Variants in NRXN1 observed in about 807,000 individuals in gnomAD.
The protein encoded by NRXN1 is neurexin 1.
In NRXN1, 39 loss-of-function variants were observed where a neutral mutation model predicts 150.9. The ratio of observed to expected loss-of-function variants is 0.26; its 90% confidence interval spans 0.20 to 0.34. The LOEUF is 0.34. Ranked by LOEUF, NRXN1 falls within the 10% of genes least tolerant of loss-of-function variation. NRXN1 has a pLI of 1.00. For synonymous variants in NRXN1, 924 were observed against 757.0 expected (o/e 1.22, Z -3.62); for missense variants, 1,815 against 1,949.9 (o/e 0.93, Z 1.30).
intron 5 of NRXN1, among the ~76,000 whole-genome samples, chr2:50,709,600 AC>A (rs1694883795): frequency 6.6e-6 from 1 of 152,144 alleles, no homozygotes; most frequent in African/African-American, 2.4e-5. Context: ...GGATTTGGTT[AC>A]CTGAGATATG....
At chr2:49,968,570 G>A (rs2152492429) in intron 21 of NRXN1, among the ~76,000 whole-genome samples, 1 of 152,066 alleles carries the variant, frequency 6.6e-6, no homozygotes, top group Non-Finnish European at 1.5e-5. Flanking sequence ...TTAGAAGCAG[G>A]TATTGATATT....
intron 8 of NRXN1, among the ~76,000 whole-genome samples, chr2:50,598,711 T>TATATGTGTATATATAC (rs1675711667): frequency 6.8e-6 from 1 of 147,414 alleles, no homozygotes; most frequent in East Asian, 2.0e-4. Flanking sequence ...TATATACATA[T>TATATGTGTATATATAC]ATATGTATAT....
At chr2:50,591,172 C>T (rs949033151) in intron 8 of NRXN1, among the ~76,000 whole-genome samples, 1 of 151,920 alleles carries the variant, frequency 6.6e-6, no homozygotes, top group Non-Finnish European at 1.5e-5. Context: ...GGGACTGAGG[C>T]TTATTCAACA....
chr2:50,150,786 C>T (rs544443876), intron 18 of NRXN1, among the ~76,000 whole-genome samples: 1 of 151,734 alleles, frequency 6.6e-6, no homozygotes, highest in South Asian at 2.1e-4. Context: ...ATAGGGATTG[C>T]TATGTTCTTA....
At chr2:50,921,591 A>C (rs1352468194) in intron 5 of NRXN1, among the ~76,000 whole-genome samples, 1 of 151,834 alleles carries the variant, frequency 6.6e-6, no homozygotes, top group Non-Finnish European at 1.5e-5. Flanking sequence ...GATACTGCAG[A>C]AACTGACACC....
At chr2:50,286,442 T>C (rs1051343865) in intron 17 of NRXN1, among the ~76,000 whole-genome samples, 13 of 152,180 alleles carry the variant, frequency 8.5e-5, no homozygotes, top group African/African-American at 3.1e-4. Flanking sequence ...TTTTTCCACA[T>C]TGTTGCAATT....
chr2:50,755,899 C>G (rs1701107938), intron 5 of NRXN1, among the ~76,000 whole-genome samples: 1 of 151,834 alleles, frequency 6.6e-6, no homozygotes, highest in Admixed American at 6.6e-5. Context: ...TCACTTTAAT[C>G]TACTGCATTT....
chr2:50,824,696 G>C (rs925389486), intron 5 of NRXN1, among the ~76,000 whole-genome samples: 1 of 152,094 alleles, frequency 6.6e-6, no homozygotes, highest in African/African-American at 2.4e-5. Context: ...AACTCCAGGT[G>C]AATCTAGGGC....
At chr2:50,331,531 G>A (rs894278758) in intron 17 of NRXN1, among the ~76,000 whole-genome samples, 1 of 152,120 alleles carries the variant, frequency 6.6e-6, no homozygotes, top group Non-Finnish European at 1.5e-5. Context: ...AAGCTTTAAA[G>A]GGAATCTTCT....
intron 18 of NRXN1, among the ~76,000 whole-genome samples, chr2:50,093,003 G>C (rs967716949): frequency 1.3e-5 from 2 of 150,292 alleles, no homozygotes; most frequent in Admixed American, 6.6e-5. Flanking sequence ...TTTTTCTGTA[G>C]AGTTATATCA....
At chr2:50,790,247 G>A (rs1206593600) in intron 5 of NRXN1, among the ~76,000 whole-genome samples, 1 of 151,890 alleles carries the variant, frequency 6.6e-6, no homozygotes, top group Admixed American at 6.6e-5. Context: ...TATCCACTCT[G>A]TTCATCCTCT....
chr2:50,541,302 T>C lies in NRXN1; in HGVS notation c.1760-2666A>G, dbSNP rs1451572920. 3.3e-5 allele frequency among the ~76,000 whole-genome samples: 5 copies of C among 152,258 alleles called. No individual in the cohort carries two copies. The East Asian group carries it at 9.7e-4, about 29-fold the overall frequency. ...ATCGTAATTCTGACACTAAGAGGAC[T>C]CCTGGAGGACTCCTGAGTCGAGGAA... is the stretch of plus-strand genomic sequence containing the variant. On this transcript the variant is annotated intron_variant, in intron 9 of 22. Coordinates refer to ENST00000401669, the MANE Select transcript of NRXN1 (RefSeq NM_001330078.2).
At chr2:50,700,344 T>C (rs959516091) in intron 5 of NRXN1, among the ~76,000 whole-genome samples, 4 of 152,208 alleles carry the variant, frequency 2.6e-5, no homozygotes, top group Non-Finnish European at 5.9e-5. Flanking sequence ...TTAATTTCTA[T>C]GACATCTGTA....
intron 5 of NRXN1, among the ~76,000 whole-genome samples, chr2:50,761,895 A>G (rs946807938): frequency 3.4e-4 from 52 of 151,698 alleles, no homozygotes; most frequent in African/African-American, 1.1e-3. Flanking sequence ...TCAAACTCCA[A>G]ATTCTTCAGC....
chr2:50,036,565 A>C (rs1690073249), intron 21 of NRXN1, among the ~76,000 whole-genome samples: 1 of 152,132 alleles, frequency 6.6e-6, no homozygotes, highest in African/African-American at 2.4e-5. Flanking sequence ...TTAGCTATTA[A>C]ATTTTATCAT....
At chr2:50,374,841 G>T (rs770304878) in intron 17 of NRXN1, among the ~76,000 whole-genome samples, 3 of 152,082 alleles carry the variant, frequency 2.0e-5, no homozygotes, top group African/African-American at 7.2e-5. Context: ...ACTGCAACAG[G>T]TTTCTGTAAA....
intron 8 of NRXN1, among the ~76,000 whole-genome samples, chr2:50,582,563 A>T (rs1672445951): frequency 6.6e-6 from 1 of 151,702 alleles, no homozygotes; most frequent in African/African-American, 2.4e-5. Flanking sequence ...AGCAAAGAGG[A>T]AACAACTACG....
At chr2:50,839,360 G>A (rs911846377) in intron 5 of NRXN1, among the ~76,000 whole-genome samples, 1 of 151,912 alleles carries the variant, frequency 6.6e-6, no homozygotes, top group African/African-American at 2.4e-5. Flanking sequence ...AAAACTATGA[G>A]GAAAAGGAAA....
chr2:50,115,603 C>A (rs1239014498), intron 18 of NRXN1, among the ~76,000 whole-genome samples: 2 of 151,868 alleles, frequency 1.3e-5, no homozygotes, highest in African/African-American at 2.4e-5. Flanking sequence ...TGTCCAACTG[C>A]ACAGCTGAGG....
Sources: gnomAD v4.1 joint callset for allele counts (sites outside exome capture counted in the v4.1 genomes callset) on GRCh38, gnomAD v4.1.1 for gene constraint, MANE v1.5 for transcripts, NCBI Gene and HGNC (gene_info 2026-07-23, HGNC 2026-07-21) for gene names.